Variants in INSR observed in about 807,000 individuals in gnomAD.
INSR encodes the protein IR.
INSR carries 67 observed loss-of-function variants against 142.6 expected under a neutral mutation model. The observed-to-expected ratio is 0.47, with a 90% CI of 0.39 to 0.58. The LOEUF (loss-of-function observed/expected upper bound fraction) is 0.58. Among genes scored for constraint, INSR ranks in the 20% least tolerant of loss-of-function variants. INSR has a pLI of 0.00. For missense variants in INSR, 1,248 were observed against 1,833.2 expected, an observed-to-expected ratio of 0.68 and a Z score of 5.83; for synonymous variants, 756 against 743.1, an observed-to-expected ratio of 1.02 and a Z score of -0.28.
At chr19:7,226,340 G>A (rs566363445) in intron 2 of INSR, among the ~76,000 whole-genome samples, 20 of 148,556 alleles carry the variant, frequency 1.3e-4, no homozygotes, top group Admixed American at 2.0e-4. Context: ...AACCTAGGAG[G>A]TGGAGGTTGC....
Position 7,184,357 on chromosome 19 carries a change from G to T in INSR, c.933C>A (p.Cys311Ter). The T allele has an allele frequency of 6.2e-7, 1 of 1,614,066 alleles. No homozygotes were observed. Among genetic ancestry groups the T allele is most frequent in the South Asian group, 1.1e-5 (1 of 91,076 alleles). Reference sequence around the variant, plus strand: ...TGTACCCGGAGGGACACTCAGGGATGCACTTGTTGTTGTGAATGACGTACT... The same window carrying T: ...TGTACCCGGAGGGACACTCAGGGATTCACTTGTTGTTGTGAATGACGTACT... ...CHQYVIHNNK[C>*]IPECPSGYTM... Residue 311 changes from cysteine (C) to a stop codon, truncating the protein, a stop_gained, in exon 3 of 22, where the codon TGC (cysteine) becomes TGA (stop). Coordinates refer to ENST00000302850, the MANE Select transcript of INSR (RefSeq NM_000208.4). LOFTEE classifies it high-confidence loss of function.
chr19:7,255,057 G>A (rs565154966), intron 2 of INSR, among the ~76,000 whole-genome samples: 1 of 144,544 alleles, frequency 6.9e-6, no homozygotes, highest in Admixed American at 6.9e-5. Flanking sequence ...AGGAAGCCAG[G>A]CAATGGTGGG....
At chr19:7,154,315 T>C (rs1973528930) in intron 9 of INSR, among the ~76,000 whole-genome samples, 1 of 142,146 alleles carries the variant, frequency 7.0e-6, no homozygotes. Flanking sequence ...TTTTTTTTTT[T>C]TTTTTGAGAT....
At chr19:7,218,246 G>A (rs557311691) in intron 2 of INSR, among the ~76,000 whole-genome samples, 7 of 151,954 alleles carry the variant, frequency 4.6e-5, no homozygotes, top group Non-Finnish European at 8.8e-5. Flanking sequence ...GGTATCTAGT[G>A]GGGGGAGGCC....
intron 14 of INSR, among the ~76,000 whole-genome samples, chr19:7,129,328 T>C (rs913926921): frequency 6.6e-6 from 1 of 152,200 alleles, no homozygotes; most frequent in Non-Finnish European, 1.5e-5. Context: ...AATTTTTATT[T>C]ATTTACTTAT....
At position 7,112,458 on chromosome 19, in the gene INSR, C is replaced by T. The variant is rs1231182111; in HGVS notation, c.*4598G>A. 2 of 152,160 alleles carry T rather than the reference C, an allele frequency of 1.3e-5. No homozygotes were observed. Among genetic ancestry groups the T allele is most frequent in the Non-Finnish European group, 2.9e-5 (2 of 68,036 alleles). The allele number at this position is 152,160 out of a possible 1,614,324, so 9.4% of individuals were successfully genotyped here. On this transcript the variant is annotated 3_prime_UTR_variant, in exon 22 of 22. Transcript: ENST00000302850. ...GAGTTGTTTTCTGCAAAAGCTGCAG[C>T]ACATTTGATCCTGCGTTGCCAACGC...
chr19:7,259,830 AAAG>A (rs1368803893), intron 2 of INSR, among the ~76,000 whole-genome samples: 1 of 147,162 alleles, frequency 6.8e-6, no homozygotes, highest in African/African-American at 2.7e-5. Flanking sequence ...AAAAAAAAAA[AAAG>A]AAAAAGAAAA....
intron 9 of INSR, among the ~76,000 whole-genome samples, chr19:7,161,609 G>A (rs1023710068): frequency 6.6e-6 from 1 of 152,014 alleles, no homozygotes; most frequent in Middle Eastern, 3.2e-3. Flanking sequence ...TGCTGCCTTC[G>A]ATCCTTACAA....
rs935596907 is a variant in INSR at position 7,150,415 on chromosome 19, C to G, written c.2267+82G>C. ...CCGCATGCAAAAAGCCACAGAAACC[C>G]CTGGGTTCTCCGAGGCATCTGCCTG... On this transcript the variant is annotated intron_variant, in intron 11 of 21. Coordinates refer to ENST00000302850, the MANE Select transcript of INSR (RefSeq NM_000208.4). The surrounding 1 kb of genome is among the most constrained non-coding windows in gnomAD (Gnocchi z 4.2). 2 of 1,324,832 alleles carry G rather than the reference C, an allele frequency of 1.5e-6. No individual in the cohort carries two copies. Among genetic ancestry groups the G allele is most frequent in the Non-Finnish European group, 1.1e-6 (1 of 923,696 alleles). The allele number at this position is 1,324,832 out of a possible 1,614,324, so 82.1% of individuals were successfully genotyped here. A position where few individuals can be genotyped will look rare whatever the true frequency, so the allele number is the denominator to read the frequency against.
intron 13 of INSR, among the ~76,000 whole-genome samples, chr19:7,138,112 C>T (rs1373079681): frequency 9.2e-5 from 14 of 151,442 alleles, no homozygotes; most frequent in Non-Finnish European, 2.1e-4. Context: ...TACAGGCGCC[C>T]GCCACCATGC....
intron 20 of INSR, 109 bp downstream of exon 20, chr19:7,120,511 C>T: frequency 7.4e-7 from 1 of 1,358,240 alleles, no homozygotes; most frequent in South Asian, 1.2e-5. Context: ...CCTTCCTTTC[C>T]TTGATGGGGC....
chr19:7,179,061 C>T (rs942202876), intron 3 of INSR, among the ~76,000 whole-genome samples: 4 of 152,118 alleles, frequency 2.6e-5, no homozygotes, highest in African/African-American at 9.7e-5. Context: ...CAGGCATGCA[C>T]CCCCTCACCT....
rs916975634 is a variant in INSR at position 7,172,161 on chromosome 19, G to A, written c.1268+129C>T. The A allele has an allele frequency of 7.3e-5, 67 of 915,696 alleles. No individual in the cohort carries two copies. In the East Asian group the frequency reaches 1.5e-3, roughly 20 times the overall value. The allele number at this position is 915,696 out of a possible 1,614,324, so 56.7% of individuals were successfully genotyped here. On this transcript the variant is annotated intron_variant, in intron 5 of 21. Transcript: ENST00000302850. ...TCCCCGCCTCAAGTGATTCACCCACGTTGGCCTCCTAAAATGCTGGGATTA... is the reference window on the plus strand; with the variant it reads ...TCCCCGCCTCAAGTGATTCACCCACATTGGCCTCCTAAAATGCTGGGATTA...
rs971525605 is a variant in INSR at position 7,225,703 on chromosome 19, C to CT, written c.653-41067_653-41066insA. 9.0e-6 allele frequency among the ~76,000 whole-genome samples: 1 copy of CT among 111,258 alleles called. No individual in the cohort carries two copies. The highest frequency in any genetic ancestry group is 5.5e-4 in the East Asian group (1 of 1,824). 73.0% of individuals were successfully genotyped at this position (111,258 alleles called of 152,430 possible). ...GATGGGCTCTTGGTTTCCATTTCCC[C>CT]CCCCTCAAAAAAAGAGCAGAGAATA... is the stretch of plus-strand genomic sequence containing the variant. On this transcript the variant is annotated intron_variant, in intron 2 of 21. Coordinates refer to ENST00000302850, the MANE Select transcript of INSR (RefSeq NM_000208.4). This position sits in a 1 kb window ranked among gnomAD's most constrained non-coding sequence, Gnocchi z 4.7.
rs1053945531 is a variant in INSR, at chr19:7,150,621, C to T, written c.2232-89G>A. 1.8e-5 allele frequency: 23 copies of T among 1,245,038 alleles called. No homozygotes were observed. The highest frequency in any genetic ancestry group is 1.0e-4 in the African/African-American group (7 of 67,874). 77.1% of individuals were successfully genotyped at this position (1,245,038 alleles called of 1,614,324 possible). A position where few individuals can be genotyped will look rare whatever the true frequency, so the allele number is the denominator to read the frequency against. ...CTGACACTTGGAGGCCACATGTGTCCGAGTAAGGGCACCCTGGCTTTGACC... is the reference window on the plus strand; with the variant it reads ...CTGACACTTGGAGGCCACATGTGTCTGAGTAAGGGCACCCTGGCTTTGACC... On this transcript the variant is annotated intron_variant, in intron 10 of 21. Coordinates refer to ENST00000302850, the MANE Select transcript of INSR (RefSeq NM_000208.4). This position sits in a 1 kb window ranked among gnomAD's most constrained non-coding sequence, Gnocchi z 4.2.
At chr19:7,201,484 G>A (rs527441993) in intron 2 of INSR, among the ~76,000 whole-genome samples, 7 of 151,474 alleles carry the variant, frequency 4.6e-5, no homozygotes, top group African/African-American at 1.7e-4. Flanking sequence ...AATTAGCTGG[G>A]TGTGGTGGTG....
chr19:7,257,557 T>C (rs1976934576), intron 2 of INSR, among the ~76,000 whole-genome samples: 1 of 151,286 alleles, frequency 6.6e-6, no homozygotes, highest in Non-Finnish European at 1.5e-5. Flanking sequence ...GCTAATCATC[T>C]GAGTGAAAAA....
chr19:7,164,092 T>TA (rs4031077), intron 8 of INSR, among the ~76,000 whole-genome samples: 3,798 of 80,086 alleles, frequency 0.047, 261 homozygotes, highest in African/African-American at 0.12. Context: ...GAAACTCCGT[T>TA]AAAAAAAAAA....
intron 2 of INSR, among the ~76,000 whole-genome samples, chr19:7,233,710 G>A (rs899236431): frequency 5.9e-5 from 7 of 117,746 alleles, no homozygotes; most frequent in African/African-American, 2.2e-4. Flanking sequence ...CAGTCTCGCT[G>A]TGTTGCCCAG....
Sources: allele counts gnomAD v4.1 joint callset (sites outside exome capture counted in the v4.1 genomes callset), GRCh38; gene constraint gnomAD v4.1.1; non-coding constraint Gnocchi (gnomAD v3.1); transcripts MANE v1.5; gene names NCBI Gene and HGNC (gene_info 2026-07-23, HGNC 2026-07-21).